Variants in OTOGL observed in about 807,000 individuals in gnomAD.
OTOGL encodes the protein otogelin-like protein.
OTOGL carries 285 observed loss-of-function variants against 318.5 expected under a neutral mutation model. The ratio of observed to expected loss-of-function variants is 0.89; its 90% confidence interval spans 0.81 to 0.99. The LOEUF (loss-of-function observed/expected upper bound fraction) is 0.99, where lower values mean the gene tolerates loss of function less well. Among genes scored for constraint, OTOGL ranks in the 50% least tolerant of loss-of-function variants. The pLI, the probability that OTOGL is intolerant of heterozygous loss-of-function variation, is 0.00. For missense variants in OTOGL, 2,899 were observed against 2,845.6 expected (o/e 1.02, Z -0.43); for synonymous variants, 987 against 936.5 (o/e 1.05, Z -0.99).
At chr12:80,120,077 T>C (rs1870398094) in intron 1 of OTOGL, among the ~76,000 whole-genome samples, 1 of 152,124 alleles carries the variant, frequency 6.6e-6, no homozygotes, top group Non-Finnish European at 1.5e-5. Context: ...TTTTTTTTTC[T>C]GGAGTAGCAG....
At chr12:80,197,827 T>C (rs1000362648) in intron 1 of OTOGL, among the ~76,000 whole-genome samples, 40 of 152,342 alleles carry the variant, frequency 2.6e-4, no homozygotes, top group African/African-American at 9.6e-4. Flanking sequence ...GGGGTTGAAC[T>C]CCATTCTCCT....
chr12:80,148,266 C>T (rs1401625851), intron 1 of OTOGL, among the ~76,000 whole-genome samples: 1 of 145,962 alleles, frequency 6.9e-6, no homozygotes. Flanking sequence ...CAAAATCTCT[C>T]AGCATTTGCT....
chr12:80,372,247 A>G (rs900684794), intron 57 of OTOGL, among the ~76,000 whole-genome samples, 183 bp downstream of exon 57: 6 of 152,046 alleles, frequency 3.9e-5, no homozygotes, highest in African/African-American at 1.4e-4. Flanking sequence ...TTAGTCTTTA[A>G]CTTAAAGGTT....
intron 1 of OTOGL, among the ~76,000 whole-genome samples, chr12:80,202,070 C>T (rs1329445584): frequency 1.3e-5 from 2 of 152,142 alleles, no homozygotes; most frequent in Non-Finnish European, 2.9e-5. Context: ...TGAAGTTTCC[C>T]TGACTCCCAC....
At position 80,239,873 on chromosome 12, in the gene OTOGL, C is replaced by A. The variant is rs117722349; in HGVS notation, c.1052+434C>A. Among the ~76,000 whole-genome samples the A allele has an allele frequency of 6.4e-3, 966 of 152,112 alleles. 5 individuals are homozygous for A. The highest frequency in any genetic ancestry group is 0.011 in the Non-Finnish European group (718 of 67,948). ...TGTACCCATAAGTAATCTTTCTTCA[C>A]CCCCACCTCTCTCCTACCCTTCCTG... On this transcript the variant is annotated intron_variant, in intron 11 of 58. Coordinates refer to ENST00000547103, the MANE Select transcript of OTOGL (RefSeq NM_001378609.3).
At chr12:80,157,313 T>G (rs895657886) in intron 1 of OTOGL, among the ~76,000 whole-genome samples, 8 of 152,154 alleles carry the variant, frequency 5.3e-5, no homozygotes, top group African/African-American at 1.9e-4. Context: ...ATAGAGTTTG[T>G]TTGAAATCCT....
At chr12:80,100,368 A>G (rs1398591772) in intron 1 of OTOGL, among the ~76,000 whole-genome samples, 1 of 152,192 alleles carries the variant, frequency 6.6e-6, no homozygotes, top group Admixed American at 6.5e-5. Flanking sequence ...GCTTGAAGTG[A>G]TGGATACCCC....
chr12:80,249,947 CTTTCT>C (rs1881359426), intron 11 of OTOGL, among the ~76,000 whole-genome samples: 2 of 152,160 alleles, frequency 1.3e-5, no homozygotes, highest in Admixed American at 6.5e-5. Context: ...TCCGTCAGCC[CTTTCT>C]TTGACTCGGA....
Position 80,168,310 on chromosome 12 carries a change from T to C in OTOGL, c.-19-41103T>C, listed in dbSNP as rs557627751. On this transcript the variant is annotated intron_variant, in intron 1 of 58. Transcript: ENST00000547103. ...ATGCTCAACTCATCCTAATGTTTTT[T>C]CATTTGTTTACCTAGCAACATTCTT... Among the ~76,000 whole-genome samples the C allele has an allele frequency of 1.2e-4, 18 of 152,228 alleles. 1 individual carries two copies. The highest frequency in any genetic ancestry group is 4.3e-4 in the African/African-American group (18 of 41,558).
At chr12:80,369,672 T>C (rs1890763828) in intron 55 of OTOGL, among the ~76,000 whole-genome samples, 1 of 152,054 alleles carries the variant, frequency 6.6e-6, no homozygotes, top group Admixed American at 6.6e-5. Flanking sequence ...TTCTGCACCA[T>C]AGCTTGCGGC....
intron 11 of OTOGL, among the ~76,000 whole-genome samples, chr12:80,239,883 T>A (rs898640131): frequency 6.6e-6 from 1 of 152,032 alleles, no homozygotes; most frequent in Non-Finnish European, 1.5e-5. Context: ...CCCCCACCTC[T>A]CTCCTACCCT....
At chr12:80,135,712 A>T (rs1871524243) in intron 1 of OTOGL, among the ~76,000 whole-genome samples, 1 of 152,200 alleles carries the variant, frequency 6.6e-6, no homozygotes, top group African/African-American at 2.4e-5. Flanking sequence ...GGATATCTAG[A>T]TAACTGGTCA....
chr12:80,147,201 A>C, intron 1 of OTOGL, among the ~76,000 whole-genome samples: 1 of 140,952 alleles, frequency 7.1e-6, no homozygotes, highest in Non-Finnish European at 1.6e-5. Flanking sequence ...TAGTGCTATA[A>C]ATTTCCCTCT....
intron 22 of OTOGL, 54 bp from the exon 23 acceptor site, chr12:80,270,045 GAAA>G (rs11324174): frequency 1.8e-4 from 164 of 889,226 alleles, no homozygotes; most frequent in South Asian, 2.1e-4. Context: ...GAAATTCAGG[GAAA>G]AAAAAAAAAA....
intron 1 of OTOGL, among the ~76,000 whole-genome samples, chr12:80,103,660 C>T (rs528674107): frequency 6.6e-6 from 1 of 152,340 alleles, no homozygotes; most frequent in African/African-American, 2.4e-5. Context: ...TACGTACCAC[C>T]TAGCAGAGTG....
intron 26 of OTOGL, among the ~76,000 whole-genome samples, chr12:80,283,591 AG>A (rs2137644218): frequency 6.9e-6 from 1 of 143,898 alleles, no homozygotes; most frequent in Admixed American, 8.1e-5. Flanking sequence ...CATGGGAGCT[AG>A]CACAATTATG....
At chr12:80,263,677 A>G (rs947014648) in intron 19 of OTOGL, among the ~76,000 whole-genome samples, 2 of 151,758 alleles carry the variant, frequency 1.3e-5, no homozygotes, top group Non-Finnish European at 2.9e-5. Flanking sequence ...TAGCTTTGCC[A>G]TGAACTGTGA....
Position 80,318,701 on chromosome 12 carries a change from G to A in OTOGL, c.3790G>A (p.Glu1264Lys). Reference sequence around the variant, plus strand: ...TATGATCACTCCAGGCCTTTTCAAAGAGAAGGTATCATGTAAGTATAATTG... The same window carrying A: ...TATGATCACTCCAGGCCTTTTCAAAAAGAAGGTATCATGTAAGTATAATTG... The part of the protein sequence containing the change: ...YFMITPGLFK[E>K]KVSSLALVSL... Residue 1264 changes from glutamate to lysine, a missense_variant, in exon 33 of 59, where the codon GAG becomes AAG. Glu to Lys is a moderately conservative substitution (Grantham distance 56, BLOSUM62 1). Coordinates refer to ENST00000547103, the MANE Select transcript of OTOGL (RefSeq NM_001378609.3). 1 of 1,289,258 alleles carries A rather than the reference G, an allele frequency of 7.8e-7. No individual in the cohort carries two copies. The highest frequency in any genetic ancestry group is 1.0e-6 in the Non-Finnish European group (1 of 1,004,076). The allele number at this position is 1,289,258 out of a possible 1,614,324, so 79.9% of individuals were successfully genotyped here. A position where few individuals can be genotyped will look rare whatever the true frequency, so the allele number is the denominator to read the frequency against.
intron 27 of OTOGL, among the ~76,000 whole-genome samples, chr12:80,297,433 G>T (rs1237836441): frequency 6.6e-6 from 1 of 151,270 alleles, no homozygotes; most frequent in Non-Finnish European, 1.5e-5. Flanking sequence ...CTGGGTTCCA[G>T]CGATTCTCTT....
Sources: gnomAD v4.1 joint callset for allele counts (sites outside exome capture counted in the v4.1 genomes callset) on GRCh38, gnomAD v4.1.1 for gene constraint, MANE v1.5 for transcripts, NCBI Gene and HGNC (gene_info 2026-07-23, HGNC 2026-07-21) for gene names.